GARIN5B: variants seen among roughly 807,000 people sequenced by gnomAD.
GARIN5B encodes the protein golgi associated RAB2 interactor family member 5B.
the GARIN5B span, chr19:55,363,101 C>A: frequency 6.9e-7 from 1 of 1,451,014 alleles, no homozygotes; most frequent in Non-Finnish European, 9.1e-7. This position sits in a 1 kb window ranked among gnomAD's most constrained non-coding sequence, Gnocchi z 4.0. Context: ...GTTTAGGGAC[C>A]CAGAACCCAG....
the GARIN5B span, chr19:55,358,906 C>A: frequency 8.4e-6 from 13 of 1,550,896 alleles, no homozygotes; most frequent in Admixed American, 9.8e-5. Flanking sequence ...GGTCCGGGGA[C>A]CTCTCTTCAA....
the GARIN5B span, chr19:55,359,883 G>A: frequency 1.4e-5 from 22 of 1,551,542 alleles, 1 homozygote; most frequent in Non-Finnish European, 1.9e-5. Flanking sequence ...CAGGAGCCCA[G>A]AAAGAAGCCA....
At chr19:55,361,589 CA>C in the GARIN5B span, among the ~76,000 whole-genome samples, 10 of 147,486 alleles carry the variant, frequency 6.8e-5, no homozygotes, top group East Asian at 4.1e-4. Flanking sequence ...GCTCCTCCGT[CA>C]GACCCAGGAG....
the GARIN5B span, chr19:55,355,323 C>T: frequency 6.5e-7 from 1 of 1,550,230 alleles, no homozygotes; most frequent in Non-Finnish European, 8.7e-7. Context: ...TCCGGCCACT[C>T]GGAGTGCTGG....
chr19:55,359,631 G>A, the GARIN5B span: 9 of 1,550,830 alleles, frequency 5.8e-6, no homozygotes, highest in Non-Finnish European at 7.9e-6. Context: ...ACAAGGAACG[G>A]TGCCTTACAA....
At chr19:55,363,194 G>A in the GARIN5B span, 1 of 1,006,718 alleles carries the variant, frequency 9.9e-7, no homozygotes, top group South Asian at 2.5e-5. The surrounding 1 kb of genome is among the most constrained non-coding windows in gnomAD (Gnocchi z 4.0). Flanking sequence ...TACAGAGCGT[G>A]GAGATGCCCC....
chr19:55,360,883 CG>C, the GARIN5B span: 1 of 1,544,560 alleles, frequency 6.5e-7, no homozygotes, highest in Non-Finnish European at 8.8e-7. Context: ...TGAGTTCTGT[CG>C]GGGCGGGGGT....
the GARIN5B span, chr19:55,362,524 C>A: frequency 1.4e-6 from 2 of 1,392,410 alleles, no homozygotes; most frequent in Non-Finnish European, 1.9e-6. Flanking sequence ...GAGAGGGGAG[C>A]GTCTAGAGCA....
chr19:55,362,358 G>T, the GARIN5B span: 1 of 1,550,552 alleles, frequency 6.4e-7, no homozygotes, highest in Non-Finnish European at 8.7e-7. Flanking sequence ...TTGATGAGGC[G>T]GACCCAGCAG....
chr19:55,360,129 C>A, the GARIN5B span: 1 of 570,546 alleles, frequency 1.8e-6, no homozygotes. Context: ...AGGCCCCCAG[C>A]CCCTCCTCCC....
the GARIN5B span, among the ~76,000 whole-genome samples, chr19:55,357,111 C>T: frequency 1.3e-5 from 2 of 152,206 alleles, no homozygotes; most frequent in Admixed American, 6.5e-5. Flanking sequence ...TAGTCACTCC[C>T]GCTTCCTCCA....
chr19:55,362,774 C>T, the GARIN5B span: 2 of 1,504,558 alleles, frequency 1.3e-6, no homozygotes, highest in African/African-American at 2.8e-5. Context: ...ACTCCTTCCT[C>T]CAGCAGCCAC....
chr19:55,356,693 A>C, the GARIN5B span, among the ~76,000 whole-genome samples: 1 of 152,110 alleles, frequency 6.6e-6, no homozygotes, highest in Non-Finnish European at 1.5e-5. Flanking sequence ...GGCATTCGGC[A>C]CATTCACAAT....
At chr19:55,358,560 G>A in the GARIN5B span, 1 of 1,550,288 alleles carries the variant, frequency 6.5e-7, no homozygotes, top group South Asian at 1.2e-5. Context: ...CCCCATGGCC[G>A]CTTGCCCTCC....
the GARIN5B span, chr19:55,361,358 C>T: frequency 1.9e-6 from 3 of 1,539,842 alleles, no homozygotes; most frequent in South Asian, 2.4e-5. Context: ...GCAGCTCTGT[C>T]CCTGCGACGG....
At chr19:55,359,632 T>C in the GARIN5B span, 4 of 1,550,480 alleles carry the variant, frequency 2.6e-6, no homozygotes, top group Non-Finnish European at 3.5e-6. Context: ...CAAGGAACGG[T>C]GCCTTACAAG....
the GARIN5B span, chr19:55,363,200 GC>G: frequency 1.0e-6 from 1 of 957,942 alleles, no homozygotes; most frequent in Non-Finnish European, 1.4e-6. This position sits in a 1 kb window ranked among gnomAD's most constrained non-coding sequence, Gnocchi z 4.0. Context: ...GCGTGGAGAT[GC>G]CCCAGGCTGG....
At chr19:55,362,898 G>A in the GARIN5B span, 6 of 1,489,832 alleles carry the variant, frequency 4.0e-6, no homozygotes, top group African/African-American at 1.4e-5. Context: ...TCAGCCCCGG[G>A]GCACTGGGAA....
chr19:55,358,508 G>A, the GARIN5B span: 2 of 1,529,820 alleles, frequency 1.3e-6, no homozygotes, highest in Non-Finnish European at 1.8e-6. Context: ...GGGGTCCCAG[G>A]GTGGCTCCTT....
Sources: gnomAD v4.1 joint callset for allele counts (sites outside exome capture counted in the v4.1 genomes callset) on GRCh38, gnomAD v4.1.1 for gene constraint, Gnocchi (gnomAD v3.1) non-coding constraint, MANE v1.5 for transcripts, NCBI Gene and HGNC (gene_info 2026-07-23, HGNC 2026-07-21) for gene names.